Variants in WNK3 observed in about 807,000 individuals in gnomAD.
WNK3 encodes the protein WNK lysine deficient protein kinase 3.
Under a neutral mutation model 116.7 loss-of-function variants are expected in WNK3, and 18 were observed. The observed-to-expected ratio is 0.15, with a 90% CI of 0.11 to 0.23. The LOEUF (loss-of-function observed/expected upper bound fraction) is 0.23, where lower values mean the gene tolerates loss of function less well. Ranked by LOEUF, WNK3 falls within the 10% of genes least tolerant of loss-of-function variation. The probability of loss-of-function intolerance (pLI) is 1.00; values close to 1 mark genes in which losing one functional copy is unlikely to be tolerated. For missense variants in WNK3, 993 were observed against 1,323.8 expected (o/e 0.75, Z 3.88); for synonymous variants, 404 against 469.4 (o/e 0.86, Z 1.80).
At chrX:54,297,390 A>AT (rs2068709540) in intron 7 of WNK3, among the ~76,000 whole-genome samples, 1 of 110,693 alleles carries the variant, frequency 9.0e-6, no homozygotes, top group South Asian at 3.9e-4. Context: ...CAGCCTGGCT[A>AT]ACATGGTGAA....
At chrX:54,329,599 A>T (rs2069143836) in intron 2 of WNK3, among the ~76,000 whole-genome samples, 1 of 109,031 alleles carries the variant, frequency 9.2e-6, no homozygotes, top group East Asian at 2.9e-4. Context: ...GTGAGCCGAG[A>T]TTGCACCACA....
intron 2 of WNK3, among the ~76,000 whole-genome samples, chrX:54,326,093 ATT>A (rs781887611): frequency 2.0e-5 from 2 of 100,728 alleles, no homozygotes; most frequent in Non-Finnish European, 2.0e-5. Flanking sequence ...TGTTTGTTTG[ATT>A]TTTTTTTTTT....
At chrX:54,348,768 T>C (rs1008214593) in intron 1 of WNK3, among the ~76,000 whole-genome samples, 5 of 111,716 alleles carry the variant, frequency 4.5e-5, no homozygotes, top group Non-Finnish European at 7.5e-5. Flanking sequence ...AGGGCAAGTA[T>C]CTTTCACATA....
At chrX:54,275,861 G>T (rs1557160619) in intron 10 of WNK3, among the ~76,000 whole-genome samples, 1 of 110,641 alleles carries the variant, frequency 9.0e-6, no homozygotes, top group East Asian at 2.8e-4. Flanking sequence ...ATATCATGTT[G>T]ACATTAAGCA....
At chrX:54,254,268 TA>T (rs2068167084) in intron 12 of WNK3, among the ~76,000 whole-genome samples, 193 bp from the exon 13 acceptor site, 1 of 111,941 alleles carries the variant, frequency 8.9e-6, no homozygotes, top group African/African-American at 3.2e-5. Context: ...AGTTACTCAG[TA>T]AAAAATAAGT....
intron 20 of WNK3, among the ~76,000 whole-genome samples, chrX:54,234,940 A>C (rs1217914447): frequency 1.8e-5 from 2 of 112,221 alleles, no homozygotes; most frequent in Middle Eastern, 4.7e-3. Flanking sequence ...ATCAGTGTAC[A>C]TATACTGTAT....
intron 2 of WNK3, among the ~76,000 whole-genome samples, chrX:54,332,085 T>G (rs1557174345): frequency 1.8e-5 from 2 of 112,014 alleles, no homozygotes; most frequent in African/African-American, 3.2e-5. Context: ...TTCCTTATAT[T>G]TGACCCACAT....
At chrX:54,340,514 G>A (rs1005235305) in intron 1 of WNK3, among the ~76,000 whole-genome samples, 4 of 110,772 alleles carry the variant, frequency 3.6e-5, no homozygotes, top group African/African-American at 1.3e-4. Flanking sequence ...AGAAGGCTGA[G>A]GCAGGAGAAT....
At chrX:54,212,209 G>C (rs1052538737) in intron 22 of WNK3, among the ~76,000 whole-genome samples, 1 of 112,455 alleles carries the variant, frequency 8.9e-6, no homozygotes, top group African/African-American at 3.2e-5. Flanking sequence ...CTGTGGGACA[G>C]AGCGAGACTC....
exon 9 of WNK3, chrX:54,293,231 G>A: frequency 8.3e-7 from 1 of 1,210,995 alleles, no homozygotes; most frequent in Non-Finnish European, 1.1e-6. Flanking sequence ...AACCATTTGA[G>A]AGCCCATCGT....
At chrX:54,315,302 CA>C (rs1162816570) in intron 2 of WNK3, among the ~76,000 whole-genome samples, 2,122 of 36,202 alleles carry the variant, frequency 0.059, 20 homozygotes, top group Non-Finnish European at 0.068. Context: ...GACCTTGTCT[CA>C]AAAAAAAAAA....
Position 54,238,323 on chromosome X carries a change from T to C in WNK3, c.4014+19A>G, listed in dbSNP as rs2067986144. ...TTTATAATGCCCTTGTAGATAAGGA[T>C]TCAATCAAAGACACAAACCTGGAAC... On this transcript the variant is annotated intron_variant, in intron 19 of 23. Transcript: ENST00000354646. The C allele has an allele frequency of 1.7e-6, 2 of 1,202,004 alleles. No homozygotes were observed. Among genetic ancestry groups the C allele is most frequent in the Non-Finnish European group, 2.2e-6 (2 of 891,590 alleles).
chrX:54,208,298 G>T (rs2067576616), intron 22 of WNK3, among the ~76,000 whole-genome samples: 1 of 109,910 alleles, frequency 9.1e-6, no homozygotes, highest in Non-Finnish European at 1.9e-5. Flanking sequence ...CTAAGTTTTT[G>T]TATTTTTAGT....
intron 20 of WNK3, among the ~76,000 whole-genome samples, chrX:54,234,025 G>A (rs1557149640): frequency 1.8e-5 from 2 of 108,529 alleles, no homozygotes; most frequent in Non-Finnish European, 3.8e-5. Flanking sequence ...AATAAAAATC[G>A]GTGAAGAAAC....
intron 10 of WNK3, among the ~76,000 whole-genome samples, chrX:54,262,792 T>C (rs1240765872): frequency 9.2e-6 from 1 of 108,868 alleles, no homozygotes; most frequent in Non-Finnish European, 1.9e-5. Flanking sequence ...ATTAGCTGGG[T>C]GTGGTGGCAT....
rs782572134 is a variant in WNK3, at chrX:54,239,203, T to A, written c.3652-104A>T. The stretch of plus-strand genomic sequence containing the variant: ...AATAATTTAGGTAAGGTGAAGCTTT[T>A]AAAAAAAAAAAAAAACGGAATTTCT... On this transcript the variant is annotated intron_variant, in intron 17 of 23. Transcript: ENST00000354646. The A allele has an allele frequency of 5.9e-3, 1,967 of 334,889 alleles. 8 individuals are homozygous for A. Among genetic ancestry groups the A allele is most frequent in the Middle Eastern group, 0.016 (17 of 1,048 alleles). 27.6% of individuals were successfully genotyped at this position (334,889 alleles called of 1,213,427 possible). A position where few individuals can be genotyped will look rare whatever the true frequency, so the allele number is the denominator to read the frequency against.
chrX:54,220,318 CTGA>C (rs1204725272), intron 22 of WNK3, among the ~76,000 whole-genome samples: 6 of 110,828 alleles, frequency 5.4e-5, no homozygotes, highest in Non-Finnish European at 1.1e-4. Context: ...CTTTGGGAGG[CTGA>C]TGTGGGCAGA....
At chrX:54,264,692 G>A (rs1320102453) in intron 10 of WNK3, among the ~76,000 whole-genome samples, 1 of 111,094 alleles carries the variant, frequency 9.0e-6, no homozygotes, top group African/African-American at 3.3e-5. Context: ...ACTGAATTGA[G>A]GGGAGCCTAA....
At chrX:54,210,993 A>G (rs1181573520) in intron 22 of WNK3, among the ~76,000 whole-genome samples, 1 of 112,087 alleles carries the variant, frequency 8.9e-6, no homozygotes, top group Non-Finnish European at 1.9e-5. Context: ...GTTGCCCAGC[A>G]AAGTGGGGCA....
Sources: gnomAD v4.1 joint callset for allele counts (sites outside exome capture counted in the v4.1 genomes callset) on GRCh38, gnomAD v4.1.1 for gene constraint, MANE v1.5 for transcripts, NCBI Gene and HGNC (gene_info 2026-07-23, HGNC 2026-07-21) for gene names.